The following PARP12 variants were observed in gnomAD, a reference collection of about 807,000 sequenced individuals.
The protein encoded by PARP12 is protein mono-ADP-ribosyltransferase PARP12.
PARP12 carries 59 observed loss-of-function variants against 72.4 expected under a neutral mutation model. The ratio of observed to expected loss-of-function variants is 0.81; its 90% CI spans 0.66 to 1.01. The LOEUF (loss-of-function observed/expected upper bound fraction) is 1.01, where lower values mean the gene tolerates loss of function less well. Ranked by LOEUF, PARP12 falls within the 50% of genes least tolerant of loss-of-function variation. PARP12 has a pLI of 0.00. For missense variants in PARP12, 851 were observed against 914.0 expected (o/e 0.93, Z 0.89); for synonymous variants, 403 against 371.4 (o/e 1.09, Z -0.98).
intron 5 of PARP12, among the ~76,000 whole-genome samples, chr7:140,043,380 C>T (rs1015858999): frequency 6.6e-6 from 1 of 152,026 alleles, no homozygotes; most frequent in Admixed American, 6.5e-5. Context: ...AGGAATTGAG[C>T]ATCAAAAGTA....
rs1816481066 is a variant in PARP12, at chr7:140,041,753, C to T, written c.1073G>A (p.Arg358His). 6 of 1,614,028 alleles carry T rather than the reference C, an allele frequency of 3.7e-6. No homozygotes were observed. The highest frequency in any genetic ancestry group is 4.2e-6 in the Non-Finnish European group (5 of 1,179,952). Residue 358 changes from arginine to histidine, a missense_variant, in exon 6 of 12, where the codon CGC (arginine) becomes CAC (histidine). Coordinates refer to ENST00000263549, the MANE Select transcript of PARP12 (RefSeq NM_022750.4). The part of the protein sequence containing the change: ...AMTYGATQAR[R>H]LSTASSVTKP... ...GGTGACAGAGGAGGCCGTGGAGAGG[C>T]GGCGAGCCTGGGTAGCACCGTAAGT... is the stretch of plus-strand genomic sequence containing the variant.
rs967846643 is a variant in PARP12, at chr7:140,038,324, A to T, written c.1183-468T>A. On this transcript the variant is annotated intron_variant, in intron 6 of 11. Transcript: ENST00000263549. ...CTTTTTCTGGTCCCTAGGAGCATTCATCTATTTTTTAAATTATCCATTTCA... is the reference window on the plus strand; with the variant it reads ...CTTTTTCTGGTCCCTAGGAGCATTCTTCTATTTTTTAAATTATCCATTTCA... 4.1e-6 allele frequency: 4 copies of T among 981,056 alleles called. No individual in the cohort carries two copies. The African/African-American group carries it at 5.3e-5, about 13-fold the overall frequency. 60.8% of individuals were successfully genotyped at this position (981,056 alleles called of 1,614,324 possible).
At chr7:140,062,345 G>A (rs546823040) in intron 1 of PARP12, among the ~76,000 whole-genome samples, 177 bp downstream of exon 1, 32 of 152,246 alleles carry the variant, frequency 2.1e-4, no homozygotes, top group Non-Finnish European at 4.4e-4. Context: ...CCCTCGCACT[G>A]TGCCAGGTAC....
intron 4 of PARP12, among the ~76,000 whole-genome samples, chr7:140,048,183 T>G (rs747354422): frequency 6.6e-6 from 1 of 152,122 alleles, no homozygotes; most frequent in African/African-American, 2.4e-5. Context: ...GCATCTCTTC[T>G]GGCTAACAAC....
At chr7:140,024,976 G>A (rs1815677125) in intron 11 of PARP12, 91 bp from the exon 12 acceptor site, 21 of 1,182,336 alleles carry the variant, frequency 1.8e-5, no homozygotes, top group Non-Finnish European at 2.5e-5. Flanking sequence ...GATGTGCAAC[G>A]CCAGGGCCTC....
intron 4 of PARP12, among the ~76,000 whole-genome samples, chr7:140,050,810 A>G (rs1816929133): frequency 6.6e-6 from 1 of 152,180 alleles, no homozygotes; most frequent in Non-Finnish European, 1.5e-5. Context: ...CAAACCATAA[A>G]AGAAAAAAAA....
At chr7:140,039,588 C>G (rs1007183688) in intron 6 of PARP12, among the ~76,000 whole-genome samples, 2 of 152,094 alleles carry the variant, frequency 1.3e-5, no homozygotes, top group African/African-American at 2.4e-5. Flanking sequence ...GTGGCAGGAC[C>G]AGCAGGTGTC....
chr7:140,058,389 T>C (rs554724060), intron 1 of PARP12, among the ~76,000 whole-genome samples: 3 of 151,994 alleles, frequency 2.0e-5, no homozygotes, highest in East Asian at 3.9e-4. Context: ...TGAGCGCATG[T>C]AGTCCCAGCT....
At chr7:140,046,186 C>T (rs1816715813) in intron 5 of PARP12, among the ~76,000 whole-genome samples, 1 of 152,224 alleles carries the variant, frequency 6.6e-6, no homozygotes, top group African/African-American at 2.4e-5. Flanking sequence ...ATCCTCCTAA[C>T]AGGAGTAATT....
At position 140,062,837 on chromosome 7, in the gene PARP12, G is replaced by A. The variant is rs1817531758; in HGVS notation, c.11C>T (p.Ala4Val). Residue 4 changes from alanine to valine, a missense_variant, in exon 1 of 12, where the codon GCC (alanine) becomes GTC (valine). Transcript: ENST00000263549. MAQ[A>V]GVVGEVTQVL... ...CTGGGTGACCTCACCGACGACGCCGGCCTGGGCCATGGCCGCTGGGCCTGC... is the reference window on the plus strand; with the variant it reads ...CTGGGTGACCTCACCGACGACGCCGACCTGGGCCATGGCCGCTGGGCCTGC... The A allele has an allele frequency of 2.2e-6, 3 of 1,383,952 alleles. No homozygotes were observed. The highest frequency in any genetic ancestry group is 3.0e-5 in the African/African-American group (2 of 66,254). 85.7% of individuals were successfully genotyped at this position (1,383,952 alleles called of 1,614,324 possible).
In PARP12 at chr7:140,062,578, C is replaced by T. The variant is rs534515484; in HGVS notation, c.270G>A (p.Ala90=). Residue 90 remains alanine, a synonymous_variant, in exon 1 of 12, where the codon GCG becomes GCA. Coordinates refer to ENST00000263549, the MANE Select transcript of PARP12 (RefSeq NM_022750.4). ...CCATGAACCTGCAGAGGTGGAGCTG[C>T]GCGCAGAGCCCCACGCAGCCCGGCT... is the stretch of plus-strand genomic sequence containing the variant. The part of the protein sequence containing the change: ...GSKPGCVGLC[A]QLHLCRFMVY... 6.5e-5 allele frequency: 101 copies of T among 1,546,300 alleles called. 2 individuals are homozygous for T. In the African/African-American group the frequency reaches 1.2e-3, roughly 18 times the overall value.
intron 5 of PARP12, among the ~76,000 whole-genome samples, chr7:140,045,467 A>C (rs971318000): frequency 1.3e-5 from 2 of 152,234 alleles, no homozygotes; most frequent in African/African-American, 4.8e-5. Context: ...AAATGAGATT[A>C]AGTAATCTGG....
At chr7:140,040,422 G>A (rs909884542) in intron 6 of PARP12, among the ~76,000 whole-genome samples, 10 of 152,194 alleles carry the variant, frequency 6.6e-5, no homozygotes, top group Non-Finnish European at 4.4e-5. Flanking sequence ...GAGGAGAGGG[G>A]AAAGGAAGTA....
intron 4 of PARP12, among the ~76,000 whole-genome samples, chr7:140,052,041 G>A (rs1033499926): frequency 1.3e-5 from 2 of 152,132 alleles, no homozygotes; most frequent in Non-Finnish European, 2.9e-5. Flanking sequence ...CCCCTTTTAG[G>A]AGCCATTGCT....
At chr7:140,026,650 C>T (rs890237509) in intron 10 of PARP12, among the ~76,000 whole-genome samples, 3 of 152,166 alleles carry the variant, frequency 2.0e-5, no homozygotes, top group African/African-American at 7.2e-5. Flanking sequence ...CCAACCCCAC[C>T]CCCACCTTGC....
At chr7:140,025,400 A>G (rs116430782) in intron 11 of PARP12, 183 of 321,316 alleles carry the variant, frequency 5.7e-4, no homozygotes, top group African/African-American at 3.5e-3. Flanking sequence ...GCTGCTGTCC[A>G]TCTTGACCCC....
intron 3 of PARP12, 47 bp from the exon 4 acceptor site, chr7:140,054,810 T>C (rs369654546): frequency 1.2e-5 from 17 of 1,459,670 alleles, no homozygotes; most frequent in Non-Finnish European, 1.6e-5. Flanking sequence ...ATATGGGGTA[T>C]AAAAGAGAGT....
In PARP12 at chr7:140,034,325, A is replaced by T; in HGVS notation, c.1331T>A (p.Val444Asp). The change falls in exon 8 of 12, where the codon GTT becomes GAT. Residue 444 changes from valine (V) to aspartate (D), a missense_variant. Around this residue, in one of 3 missense-constraint regions of PARP12, gnomAD observed 347 missense variants for 396.1 expected, o/e 0.88. Transcript: ENST00000263549. ...HNYELDFKAF[V>D]QKNLVYGTTK... ...TGTGCCATAGACCAGGTTTTTCTGA[A>T]CGAAGGCTGAAAAAAAACATAACCA... 1 of 1,610,118 alleles carries T rather than the reference A, an allele frequency of 6.2e-7. No individual in the cohort carries two copies. The highest frequency in any genetic ancestry group is 8.5e-7 in the Non-Finnish European group (1 of 1,177,760).
At chr7:140,055,603 G>A (rs888200724) in intron 3 of PARP12, among the ~76,000 whole-genome samples, 43 of 152,254 alleles carry the variant, frequency 2.8e-4, no homozygotes, top group Admixed American at 1.7e-3. Context: ...GGACCCCGAA[G>A]GTCATCTCCC....
Sources: gnomAD v4.1 joint callset for allele counts (sites outside exome capture counted in the v4.1 genomes callset) on GRCh38, gnomAD v4.1.1 for gene constraint, gnomAD v4.1.1 regional missense constraint, MANE v1.5 for transcripts, NCBI Gene and HGNC (gene_info 2026-07-23, HGNC 2026-07-21) for gene names.